Variants in ODAD1 observed in about 807,000 individuals in gnomAD.
ODAD1 encodes outer dynein arm-docking complex subunit 1.
Under a neutral mutation model 67.2 loss-of-function variants are expected in ODAD1, and 49 were observed. The ratio of observed to expected loss-of-function variants is 0.73; its 90% CI spans 0.58 to 0.92. The LOEUF is 0.92. ODAD1 is among the 40% of genes least tolerant of loss of function. ODAD1 has a pLI of 0.00. For missense variants in ODAD1, 897 were observed against 953.7 expected (o/e 0.94, Z 0.78); for synonymous variants, 345 against 393.7 (o/e 0.88, Z 1.46).
At chr19:48,320,253 G>C in intron 3 of ODAD1, 46 bp downstream of exon 3, 1 of 1,170,660 alleles carries the variant, frequency 8.5e-7, no homozygotes, top group Non-Finnish European at 1.1e-6. Context: ...GGAAAGCTGG[G>C]GGCTGGAAAA....
In ODAD1 at chr19:48,297,513, C is replaced by T; in HGVS notation, c.1587G>A (p.Glu529=). The T allele has an allele frequency of 1.2e-6, 2 of 1,604,450 alleles. No individual in the cohort carries two copies. The highest frequency in any genetic ancestry group is 1.7e-6 in the Non-Finnish European group (2 of 1,176,140). The change falls in exon 16 of 16, where the codon GAG becomes GAA. Residue 529 remains glutamate, a synonymous_variant. Coordinates refer to ENST00000674294, the MANE Select transcript of ODAD1 (RefSeq NM_001364171.2). The part of the protein sequence containing the change: ...ELLSQVEKLV[E]LQEQAEAQRQ... The stretch of plus-strand genomic sequence containing the variant: ...GCTGCGCCTCCGCCTGCTCCTGGAG[C>T]TCCACCTGCAGGGAAGGTGAACTGG...
Position 48,312,110 on chromosome 19 carries a change from C to G in ODAD1, c.367G>C (p.Glu123Gln), listed in dbSNP as rs1968778974. The G allele has an allele frequency of 6.4e-7, 1 of 1,551,432 alleles. No individual in the cohort carries two copies. Among genetic ancestry groups the G allele is most frequent in the Non-Finnish European group, 8.7e-7 (1 of 1,146,470 alleles). The change falls in exon 6 of 16, where the codon GAG (glutamate) becomes CAG (glutamine). Residue 123 changes from glutamate to glutamine, a missense_variant. Transcript: ENST00000674294. The part of the protein sequence containing the change: ...QTRALDKQIQ[E>Q]WETRIFTHSK... ...TGGGTAAAGATCCGCGTCTCCCACT[C>G]CTGGATCTACAAGAAAGAGGATGGT...
chr19:48,308,944 C>CG (rs1441646045), intron 7 of ODAD1, among the ~76,000 whole-genome samples: 4 of 152,152 alleles, frequency 2.6e-5, no homozygotes, highest in African/African-American at 7.2e-5. Context: ...CGGGGACAAG[C>CG]GAGGGTCCTG....
intron 14 of ODAD1, 114 bp from the exon 15 acceptor site, chr19:48,297,782 C>T: frequency 1.2e-5 from 12 of 1,030,172 alleles, no homozygotes; most frequent in Non-Finnish European, 1.6e-5. Context: ...CCCCGAGTGC[C>T]CTTCCCTTCT....
Position 48,320,796 on chromosome 19 carries a change from T to C in ODAD1, c.-48A>G, listed in dbSNP as rs1336049305. Reference sequence around the variant, plus strand: ...CCTGTTCTTGGTGCTCCAAGTTCAGTGTTGTGGTCTGGTTACTGGGGAGAT... The same window carrying C: ...CCTGTTCTTGGTGCTCCAAGTTCAGCGTTGTGGTCTGGTTACTGGGGAGAT... On this transcript the variant is annotated 5_prime_UTR_variant, in exon 2 of 16. Coordinates refer to ENST00000674294, the MANE Select transcript of ODAD1 (RefSeq NM_001364171.2). 6.4e-6 allele frequency: 1 copy of C among 155,920 alleles called. No homozygotes were observed. The highest frequency in any genetic ancestry group is 1.4e-5 in the Non-Finnish European group (1 of 69,754). The allele number at this position is 155,920 out of a possible 1,614,324, so 9.7% of individuals were successfully genotyped here. A position where few individuals can be genotyped will look rare whatever the true frequency, so the allele number is the denominator to read the frequency against.
At position 48,297,073 on chromosome 19, in the gene ODAD1, C is replaced by T. The variant is rs74351635; in HGVS notation, c.2027G>A (p.Ser676Asn). ...VESGGTASDS[S>N]GGLGSSRDHV... Reference sequence around the variant, plus strand: ...GTCTCTGCTGGACCCGAGGCCTCCGCTCGAATCAGACGCTGTGCCTCCGCT... The same window carrying T: ...GTCTCTGCTGGACCCGAGGCCTCCGTTCGAATCAGACGCTGTGCCTCCGCT... Residue 676 changes from serine (S) to asparagine (N), a missense_variant, in exon 16 of 16, where the codon AGC (serine) becomes AAC (asparagine). Ser to Asn is a conservative substitution (Grantham distance 46). Coordinates refer to ENST00000674294, the MANE Select transcript of ODAD1 (RefSeq NM_001364171.2). 0.013 allele frequency: 20,566 copies of T among 1,613,208 alleles called. 161 individuals are homozygous for T. The highest frequency in any genetic ancestry group is 0.016 in the Non-Finnish European group (18,720 of 1,179,572).
At chr19:48,316,840 A>C (rs1164301624) in intron 5 of ODAD1, among the ~76,000 whole-genome samples, 2 of 152,102 alleles carry the variant, frequency 1.3e-5, no homozygotes, top group Non-Finnish European at 2.9e-5. Flanking sequence ...TCTACCAAAA[A>C]ATACAAAAAT....
chr19:48,309,716 A>C (rs1968708498), intron 7 of ODAD1, among the ~76,000 whole-genome samples: 1 of 152,226 alleles, frequency 6.6e-6, no homozygotes, highest in Non-Finnish European at 1.5e-5. Context: ...AAGGTGTGTC[A>C]GGGGACAAGA....
In ODAD1 at chr19:48,298,266, T is replaced by A; in HGVS notation, c.1315A>T (p.Met439Leu). Residue 439 changes from methionine (M) to leucine (L), a missense_variant, in exon 13 of 16, where the codon ATG becomes TTG. Transcript: ENST00000674294. ...AAGAGGCCCATGTCCCGGTCTCCCA[T>A]GCTGGTCTTGACCCCAAGGAGGTCA... ...IDDLLGVKTSMGDRDMGLFLS... is the reference protein window; with the variant it reads ...IDDLLGVKTSLGDRDMGLFLS... The A allele has an allele frequency of 6.2e-7, 1 of 1,614,180 alleles. No individual in the cohort carries two copies. The highest frequency in any genetic ancestry group is 8.5e-7 in the Non-Finnish European group (1 of 1,180,024).
At chr19:48,302,363 G>A (rs530539664) in intron 12 of ODAD1, among the ~76,000 whole-genome samples, 6 of 143,294 alleles carry the variant, frequency 4.2e-5, no homozygotes, top group South Asian at 2.2e-4. Flanking sequence ...AGAGACAGAC[G>A]TTGAATGGAT....
At chr19:48,304,535 C>A (rs1406749128) in intron 8 of ODAD1, among the ~76,000 whole-genome samples, 4 of 151,936 alleles carry the variant, frequency 2.6e-5, no homozygotes, top group African/African-American at 4.8e-5. Flanking sequence ...AAGAGAATCG[C>A]TTGAACCTGG....
At chr19:48,317,987 A>G (rs796461884) in intron 5 of ODAD1, among the ~76,000 whole-genome samples, 93 of 151,946 alleles carry the variant, frequency 6.1e-4, no homozygotes, top group African/African-American at 1.9e-3. Flanking sequence ...GCAGGAGAAT[A>G]GCATGAACCT....
At chr19:48,307,899 A>G (rs938804576) in intron 7 of ODAD1, among the ~76,000 whole-genome samples, 4 of 151,878 alleles carry the variant, frequency 2.6e-5, no homozygotes, top group Non-Finnish European at 5.9e-5. Context: ...GGGACTCCTC[A>G]GAAAAATGGC....
intron 8 of ODAD1, among the ~76,000 whole-genome samples, chr19:48,304,862 G>A (rs957234715): frequency 6.6e-6 from 1 of 150,754 alleles, no homozygotes; most frequent in African/African-American, 2.5e-5. Context: ...ACTAAAAAGC[G>A]AGGATTCCTG....
chr19:48,305,665 CAA>C (rs1412841627), intron 8 of ODAD1, among the ~76,000 whole-genome samples: 6 of 152,174 alleles, frequency 3.9e-5, no homozygotes, highest in Non-Finnish European at 8.8e-5. Flanking sequence ...CTTGGCCTCC[CAA>C]AGTGTTGGGA....
At chr19:48,300,951 C>G (rs966065447) in intron 12 of ODAD1, 1 of 152,224 alleles carries the variant, frequency 6.6e-6, no homozygotes, top group Non-Finnish European at 1.5e-5. Flanking sequence ...GTGATGAAAC[C>G]CCGACTCTAC....
Position 48,306,251 on chromosome 19 carries a change from T to C in ODAD1, c.665+5A>G. The C allele has an allele frequency of 1.9e-6, 3 of 1,551,556 alleles. No homozygotes were observed. Among genetic ancestry groups the C allele is most frequent in the Non-Finnish European group, 2.6e-6 (3 of 1,146,926 alleles). On this transcript the variant is annotated splice_donor_5th_base_variant and intron_variant, in intron 8 of 15. Coordinates refer to ENST00000674294, the MANE Select transcript of ODAD1 (RefSeq NM_001364171.2). Reference sequence around the variant, plus strand: ...CCGCCATCCCAGGATACCCGCAGTCTCTACCTGACGGCGTAGGCAGAGGTG... The same window carrying C: ...CCGCCATCCCAGGATACCCGCAGTCCCTACCTGACGGCGTAGGCAGAGGTG...
chr19:48,320,342 G>A lies in ODAD1; in HGVS notation c.27C>T (p.Ser9=), dbSNP rs1188099931. ...CCTCGCTTCCCTCCTCGGAGCGGGC[G>A]CTCCCTGCCAAGCGTCCCAAAGGCA... MPLGRLAG[S]ARSEEGSEAF... is the part of the protein sequence containing the mutation. Residue 9 remains serine, a synonymous_variant, in exon 3 of 16, where the codon AGC becomes AGT. Coordinates refer to ENST00000674294, the MANE Select transcript of ODAD1 (RefSeq NM_001364171.2). 3.1e-6 allele frequency: 4 copies of A among 1,288,696 alleles called. No homozygotes were observed. The South Asian group carries it at 3.7e-5, about 12-fold the overall frequency. The allele number at this position is 1,288,696 out of a possible 1,614,324, so 79.8% of individuals were successfully genotyped here. A position where few individuals can be genotyped will look rare whatever the true frequency, so the allele number is the denominator to read the frequency against.
At position 48,306,329 on chromosome 19, in the gene ODAD1, G is replaced by T. The variant is rs753828189; in HGVS notation, c.598-6C>A. ...TGATGCAGGTGGTGGATCTCCTGTG[G>T]GGGGAGGAGAAAAAAATCAGTGCCA... On this transcript the variant is annotated splice_region_variant and splice_polypyrimidine_tract_variant and intron_variant, in intron 7 of 15. Transcript: ENST00000674294. 6.4e-7 allele frequency: 1 copy of T among 1,551,008 alleles called. No individual in the cohort carries two copies. Among genetic ancestry groups the T allele is most frequent in the African/African-American group, 1.4e-5 (1 of 73,104 alleles).
Sources: gnomAD v4.1 joint callset for allele counts (sites outside exome capture counted in the v4.1 genomes callset) on GRCh38, gnomAD v4.1.1 for gene constraint, MANE v1.5 for transcripts, NCBI Gene and HGNC (gene_info 2026-07-23, HGNC 2026-07-21) for gene names.